Variants in JADE1 observed in about 807,000 individuals in gnomAD.
JADE1 encodes jade family PHD finger 1, also known as protein Jade-1.
In JADE1, 14 loss-of-function variants were observed where a neutral mutation model predicts 81.8. The ratio of observed to expected loss-of-function variants is 0.17; its 90% confidence interval spans 0.11 to 0.27. JADE1 has a LOEUF of 0.27. JADE1 is among the 10% of genes least tolerant of loss of function. JADE1 has a pLI of 1.00. For synonymous variants in JADE1, 353 were observed against 391.9 expected (o/e 0.90, Z 1.17); for missense variants, 690 against 1,047.9 (o/e 0.66, Z 4.71).
At chr4:128,831,578 A>T (rs1210913059) in intron 1 of JADE1, 155 bp from the exon 2 acceptor site, 5 of 622,972 alleles carry the variant, frequency 8.0e-6, no homozygotes, top group African/African-American at 1.8e-5. Flanking sequence ...GCACCTAATT[A>T]TGTATCTTTG....
intron 3 of JADE1, among the ~76,000 whole-genome samples, chr4:128,843,601 T>C (rs1203047664): frequency 6.6e-6 from 1 of 152,248 alleles, no homozygotes; most frequent in African/African-American, 2.4e-5. Flanking sequence ...GGTGCATTTC[T>C]TTCTGCTGGT....
chr4:128,840,937 G>GT (rs1729385089), intron 2 of JADE1, among the ~76,000 whole-genome samples: 1 of 152,248 alleles, frequency 6.6e-6, no homozygotes, highest in Non-Finnish European at 1.5e-5. Flanking sequence ...CTCAGAACTG[G>GT]TGCTCAAGGG....
At chr4:128,818,983 C>T (rs938220123) in intron 1 of JADE1, among the ~76,000 whole-genome samples, 1 of 151,988 alleles carries the variant, frequency 6.6e-6, no homozygotes, top group Non-Finnish European at 1.5e-5. Context: ...GCATCCCACA[C>T]CAGGCCTGGC....
intron 9 of JADE1, chr4:128,863,519 A>G: frequency 1.0e-6 from 1 of 985,422 alleles, no homozygotes; most frequent in African/African-American, 1.7e-5. Context: ...GGAGCATTAG[A>G]GATCCTTTTA....
chr4:128,871,476 A>C lies in JADE1; in HGVS notation c.1743A>C (p.Lys581Asn), dbSNP rs1394407541. 1.9e-6 allele frequency: 3 copies of C among 1,614,192 alleles called. No homozygotes were observed. The South Asian group carries it at 3.3e-5, about 18-fold the overall frequency. ...AGTGGCATTCTGCATTCTTCAGAAAACAAATGGGTACTTCCTTGGTTCATT... is the reference window on the plus strand; with the variant it reads ...AGTGGCATTCTGCATTCTTCAGAAACCAAATGGGTACTTCCTTGGTTCATT... ...DLKWHSAFFR[K>N]QMGTSLVHSL... Residue 581 changes from lysine (K) to asparagine (N), a missense_variant, in exon 11 of 11, where the codon AAA becomes AAC. Physicochemically the swap from Lys to Asn is moderately conservative, Grantham distance 94. Transcript: ENST00000226319. This position sits in a 1 kb window ranked among gnomAD's most constrained non-coding sequence, Gnocchi z 4.1.
chr4:128,848,860 C>T, intron 4 of JADE1, 120 bp from the exon 5 acceptor site: 1 of 903,608 alleles, frequency 1.1e-6, no homozygotes, highest in Non-Finnish European at 1.8e-6. Flanking sequence ...AGGTTTTCAG[C>T]CTCTGGTGAT....
Position 128,846,240 on chromosome 4 carries a change from G to A in JADE1, c.139-135G>A, listed in dbSNP as rs1422528000. 7.9e-6 allele frequency: 7 copies of A among 885,568 alleles called. No homozygotes were observed. In the South Asian group the frequency reaches 8.9e-5, roughly 11 times the overall value. 54.9% of individuals were successfully genotyped at this position (885,568 alleles called of 1,614,324 possible). A position where few individuals can be genotyped will look rare whatever the true frequency, so the allele number is the denominator to read the frequency against. ...AAGGCGTGTCAGGCAAAGTTTTTCT[G>A]TAATAGGTCAGGCTTGTTCTATGTT... On this transcript the variant is annotated intron_variant, in intron 3 of 10. Transcript: ENST00000226319. This position sits in a 1 kb window ranked among gnomAD's most constrained non-coding sequence, Gnocchi z 4.0.
At chr4:128,812,372 C>A (rs994575977) in intron 1 of JADE1, among the ~76,000 whole-genome samples, 3 of 151,308 alleles carry the variant, frequency 2.0e-5, no homozygotes, top group Non-Finnish European at 4.4e-5. Flanking sequence ...TGCGCATTCC[C>A]CGGCGGGCGG....
chr4:128,860,744 G>T (rs1731250881), intron 8 of JADE1, among the ~76,000 whole-genome samples: 1 of 152,214 alleles, frequency 6.6e-6, no homozygotes, highest in South Asian at 2.1e-4. Flanking sequence ...TTGTGGCCCT[G>T]TTTAGGCAGT....
chr4:128,850,886 A>G (rs1730292308), intron 5 of JADE1, among the ~76,000 whole-genome samples: 1 of 152,206 alleles, frequency 6.6e-6, no homozygotes, highest in African/African-American at 2.4e-5. Context: ...TTATAACATA[A>G]ACGGAACGCA....
chr4:128,853,555 G>C (rs1255999014), intron 6 of JADE1, among the ~76,000 whole-genome samples: 1 of 152,176 alleles, frequency 6.6e-6, no homozygotes, highest in Non-Finnish European at 1.5e-5. Flanking sequence ...CAATCTCAGT[G>C]CCTCTTTTTT....
intron 1 of JADE1, among the ~76,000 whole-genome samples, chr4:128,828,613 A>G (rs1728265569): frequency 6.6e-6 from 1 of 152,020 alleles, no homozygotes; most frequent in Non-Finnish European, 1.5e-5. Context: ...TACTATTTTT[A>G]CTCTTCTTTT....
At position 128,873,213 on chromosome 4, in the gene JADE1, G is replaced by C. The variant is rs115064807; in HGVS notation, c.*951G>C. 1,203 of 139,780 alleles carry C rather than the reference G, an allele frequency of 8.6e-3. 7 individuals are homozygous for C. Among genetic ancestry groups the C allele is most frequent in the Middle Eastern group, 0.013 (3 of 230 alleles). The allele number at this position is 139,780 out of a possible 1,614,324, so 8.7% of individuals were successfully genotyped here. ...GAGCCAACCACTAGTGCATATGTTAGGGAATCTGGGCTTCCAACATGAATG... is the reference window on the plus strand; with the variant it reads ...GAGCCAACCACTAGTGCATATGTTACGGAATCTGGGCTTCCAACATGAATG... On this transcript the variant is annotated 3_prime_UTR_variant, in exon 11 of 11. Transcript: ENST00000226319.
At position 128,846,587 on chromosome 4, in the gene JADE1, G is replaced by T; in HGVS notation, c.296+55G>T. 1.3e-6 allele frequency: 2 copies of T among 1,579,160 alleles called. No individual in the cohort carries two copies. Among genetic ancestry groups the T allele is most frequent in the South Asian group, 1.1e-5 (1 of 89,526 alleles). ...CCACCCACCCTTGCTCTTCTTCCCT[G>T]ACAGCAGGCATCTGAGAAGAGACAA... On this transcript the variant is annotated intron_variant, in intron 4 of 10. Coordinates refer to ENST00000226319, the MANE Select transcript of JADE1 (RefSeq NM_199320.4). The surrounding 1 kb of genome is among the most constrained non-coding windows in gnomAD (Gnocchi z 4.0).
At chr4:128,870,259 G>A (rs1381851793) in intron 10 of JADE1, among the ~76,000 whole-genome samples, 1 of 152,156 alleles carries the variant, frequency 6.6e-6, no homozygotes, top group Non-Finnish European at 1.5e-5. Flanking sequence ...CACCTCCTGT[G>A]GTCATGACAG....
chr4:128,832,338 T>G (rs1395808925), intron 2 of JADE1, among the ~76,000 whole-genome samples: 1 of 152,216 alleles, frequency 6.6e-6, no homozygotes, highest in African/African-American at 2.4e-5. Flanking sequence ...ATTTTCACAG[T>G]GCAGCTGAGA....
chr4:128,849,160 G>A lies in JADE1; in HGVS notation c.477G>A (p.Lys159=). ...AWLELTNEEF[K]EMGMPELDEY... ...TGGAACTGACCAATGAAGAATTTAA[G>A]GAGATGGGTGAGAGACCATGTATTC... Residue 159 remains lysine, a synonymous_variant, in exon 5 of 11, where the codon AAG becomes AAA. Transcript: ENST00000226319. The A allele has an allele frequency of 6.2e-7, 1 of 1,608,160 alleles. No individual in the cohort carries two copies. Among genetic ancestry groups the A allele is most frequent in the Non-Finnish European group, 8.5e-7 (1 of 1,176,114 alleles).
chr4:128,831,723 T>G lies in JADE1; in HGVS notation c.-26-10T>G. ...CATCTTGGGTTAAGTGCTGTCTCAT[T>G]GCTTTGCAGGCTGCCTGCTGTTTCC... On this transcript the variant is annotated splice_polypyrimidine_tract_variant and intron_variant, in intron 1 of 10. Coordinates refer to ENST00000226319, the MANE Select transcript of JADE1 (RefSeq NM_199320.4). 1 of 1,613,864 alleles carries G rather than the reference T, an allele frequency of 6.2e-7. No homozygotes were observed. Among genetic ancestry groups the G allele is most frequent in the Non-Finnish European group, 8.5e-7 (1 of 1,179,766 alleles).
chr4:128,848,736 A>G (rs185020026), intron 4 of JADE1, among the ~76,000 whole-genome samples: 1 of 152,098 alleles, frequency 6.6e-6, no homozygotes, highest in South Asian at 2.1e-4. Context: ...GGCAGGGCAC[A>G]GCAGGGTCCC....
Sources: gnomAD v4.1 joint callset for allele counts (sites outside exome capture counted in the v4.1 genomes callset) on GRCh38, gnomAD v4.1.1 for gene constraint, Gnocchi (gnomAD v3.1) non-coding constraint, MANE v1.5 for transcripts, NCBI Gene and HGNC (gene_info 2026-07-23, HGNC 2026-07-21) for gene names.